Variants in ADCY9 observed in about 807,000 individuals in gnomAD.
The protein encoded by ADCY9 is adenylate cyclase 9.
A neutral mutation model predicts 101.5 loss-of-function variants in ADCY9; 50 were observed. That is an observed-to-expected ratio of 0.49 (90% CI 0.39 to 0.62). The LOEUF (loss-of-function observed/expected upper bound fraction) is 0.62. Among genes scored for constraint, ADCY9 ranks in the 20% least tolerant of loss-of-function variants. The pLI, the probability that ADCY9 is intolerant of heterozygous loss-of-function variation, is 0.00. For synonymous variants in ADCY9, 905 were observed against 769.3 expected (o/e 1.18, Z -2.92); for missense variants, 1,662 against 1,800.4 (o/e 0.92, Z 1.39).
At chr16:4,074,714 G>T in intron 2 of ADCY9, among the ~76,000 whole-genome samples, 1 of 38,440 alleles carries the variant, frequency 2.6e-5, no homozygotes, top group Non-Finnish European at 5.8e-5. Flanking sequence ...AATACCCAGT[G>T]GCAAAAAAAA....
chr16:4,071,442 C>T (rs1274771380), intron 2 of ADCY9, among the ~76,000 whole-genome samples: 1 of 151,202 alleles, frequency 6.6e-6, no homozygotes. Flanking sequence ...TATAAAGGTT[C>T]CTGCAAAGCC....
In ADCY9 at chr16:4,079,752, T is replaced by C. The variant is rs61236201; in HGVS notation, c.1693+33998A>G. 9.8e-3 allele frequency among the ~76,000 whole-genome samples: 1,487 copies of C among 152,206 alleles called. 29 individuals carry two copies. The highest frequency in any genetic ancestry group is 0.034 in the African/African-American group (1,399 of 41,546). Reference sequence around the variant, plus strand: ...CTATATATATTTATATGCATTGATATATATTTGATTTTGAATAAATATTTG... The same window carrying C: ...CTATATATATTTATATGCATTGATACATATTTGATTTTGAATAAATATTTG... On this transcript the variant is annotated intron_variant, in intron 2 of 10. Coordinates refer to ENST00000294016, the MANE Select transcript of ADCY9 (RefSeq NM_001116.4).
chr16:4,017,416 G>C (rs983112154), intron 2 of ADCY9, among the ~76,000 whole-genome samples: 2 of 149,706 alleles, frequency 1.3e-5, no homozygotes, highest in Admixed American at 7.1e-5. Context: ...AGGCCGAGGC[G>C]GGGGGTTGCT....
intron 2 of ADCY9, among the ~76,000 whole-genome samples, chr16:4,072,994 G>GAAAAAAAAAAAAAAAAAAAAAAAAAAAAA (rs59730727): frequency 7.7e-6 from 1 of 129,684 alleles, no homozygotes. Context: ...TATCCTAAAA[G>GAAAAAAAAAAAAAAAAAAAAAAAAAAAAA]AAAAAAAAAA....
chr16:3,978,014 G>A (rs112695187), intron 8 of ADCY9, among the ~76,000 whole-genome samples: 8 of 152,240 alleles, frequency 5.3e-5, no homozygotes, highest in Non-Finnish European at 1.2e-4. Context: ...CACCGCTCCC[G>A]GCCTAATCCA....
rs767139105 is a variant in ADCY9, at chr16:3,992,187, C to A, written c.2166G>T (p.Glu722Asp). ...CGTCCACAAAGTGGGCGTCCGTTTT[C>A]TCCCGGATGTTCTTGAACCTCAGCG... ...LLPLRFKNIREKTDAHFVDVI... is the reference protein window; with the variant it reads ...LLPLRFKNIRDKTDAHFVDVI... The change falls in exon 5 of 11, where the codon GAG (glutamate) becomes GAT (aspartate). Residue 722 changes from glutamate (E) to aspartate (D), a missense_variant. By Grantham distance (45) the Glu-to-Asp change is conservative. Around this residue, in one of 5 missense-constraint regions of ADCY9, gnomAD observed 624 missense variants for 639.1 expected, o/e 0.98. Transcript: ENST00000294016. This position sits in a 1 kb window ranked among gnomAD's most constrained non-coding sequence, Gnocchi z 4.2. 6.2e-7 allele frequency: 1 copy of A among 1,614,106 alleles called. No individual in the cohort carries two copies. The highest frequency in any genetic ancestry group is 8.5e-7 in the Non-Finnish European group (1 of 1,180,038).
intron 2 of ADCY9, among the ~76,000 whole-genome samples, chr16:4,038,979 C>T (rs2056608679): frequency 6.6e-6 from 1 of 152,094 alleles, no homozygotes; most frequent in African/African-American, 2.4e-5. Context: ...AATGCTTGCC[C>T]TTTTATAAAA....
chr16:4,016,970 A>G (rs977744349), intron 2 of ADCY9, among the ~76,000 whole-genome samples: 1 of 152,188 alleles, frequency 6.6e-6, no homozygotes, highest in African/African-American at 2.4e-5. Context: ...ATTGCATCAT[A>G]TGTGAATTAT....
chr16:3,973,773 G>A (rs924872890), intron 10 of ADCY9, among the ~76,000 whole-genome samples: 9 of 152,038 alleles, frequency 5.9e-5, no homozygotes, highest in East Asian at 1.9e-4. Context: ...GATTACAGGC[G>A]GGAGTCACCG....
chr16:3,972,940 T>TA (rs1319443443), intron 10 of ADCY9, among the ~76,000 whole-genome samples: 3 of 152,120 alleles, frequency 2.0e-5, no homozygotes, highest in Non-Finnish European at 4.4e-5. Flanking sequence ...AATAAAAGGT[T>TA]AAAAAAAGAT....
chr16:4,036,257 TCA>T (rs540140236), intron 2 of ADCY9, among the ~76,000 whole-genome samples: 72 of 152,002 alleles, frequency 4.7e-4, no homozygotes, highest in African/African-American at 1.6e-3. Context: ...CTTTCAGAAC[TCA>T]CACACACACC....
At position 3,972,543 on chromosome 16, in the gene ADCY9, C is replaced by T. The variant is rs536073159; in HGVS notation, c.2870+2126G>A. 7.1e-4 allele frequency among the ~76,000 whole-genome samples: 108 copies of T among 152,176 alleles called. 4 individuals are homozygous for T. In the South Asian group the frequency reaches 0.021, roughly 30 times the overall value. ...CCACCACACCTGGCTCAAAAAGAGG[C>T]ATTTCATGTGACTAAATGCAGGAGT... On this transcript the variant is annotated intron_variant, in intron 10 of 10. Coordinates refer to ENST00000294016, the MANE Select transcript of ADCY9 (RefSeq NM_001116.4).
chr16:4,115,537 CT>C lies in ADCY9; in HGVS notation c.-43-53del. 7.1e-7 allele frequency: 1 copy of C among 1,413,570 alleles called. No homozygotes were observed. The highest frequency in any genetic ancestry group is 9.3e-7 in the Non-Finnish European group (1 of 1,074,216). The allele number at this position is 1,413,570 out of a possible 1,614,324, so 87.6% of individuals were successfully genotyped here. On this transcript the variant is annotated intron_variant, in intron 1 of 10. Transcript: ENST00000294016. The surrounding 1 kb of genome is among the most constrained non-coding windows in gnomAD (Gnocchi z 6.2). ...GGCGCTCCCACCTAGGCATGCACGC[CT>C]AGAGGCCCGGGACCTGCTCCTGTCC...
At chr16:4,067,886 C>T (rs2056810161) in intron 2 of ADCY9, among the ~76,000 whole-genome samples, 1 of 152,148 alleles carries the variant, frequency 6.6e-6, no homozygotes, top group Non-Finnish European at 1.5e-5. Flanking sequence ...TTTGTGGTGA[C>T]TGAACTAACT....
chr16:4,090,490 G>T (rs900648780), intron 2 of ADCY9, among the ~76,000 whole-genome samples: 1 of 152,016 alleles, frequency 6.6e-6, no homozygotes, highest in African/African-American at 2.4e-5. Flanking sequence ...TTTTAAAAAC[G>T]TTCTATATTA....
intron 2 of ADCY9, among the ~76,000 whole-genome samples, chr16:4,070,595 C>T (rs1440683871): frequency 6.6e-6 from 1 of 151,964 alleles, no homozygotes. Flanking sequence ...GCAGGAGGAT[C>T]GCTTGAGTCC....
chr16:3,981,091 C>T (rs2056138661), intron 7 of ADCY9, among the ~76,000 whole-genome samples: 1 of 152,186 alleles, frequency 6.6e-6, no homozygotes, highest in South Asian at 2.1e-4. Context: ...GCCAGGGAAG[C>T]CTTTCAGGGT....
intron 2 of ADCY9, among the ~76,000 whole-genome samples, chr16:4,011,942 G>A (rs1171346352): frequency 1.3e-5 from 2 of 152,250 alleles, no homozygotes; most frequent in Admixed American, 6.5e-5. Flanking sequence ...TGATCAACAC[G>A]CACGCAGCAA....
At chr16:4,112,582 A>G (rs1183740724) in intron 2 of ADCY9, among the ~76,000 whole-genome samples, 1 of 151,922 alleles carries the variant, frequency 6.6e-6, no homozygotes, top group Non-Finnish European at 1.5e-5. Flanking sequence ...TCTGATTGAA[A>G]CTATTACTTC....
Sources: allele counts gnomAD v4.1 joint callset (sites outside exome capture counted in the v4.1 genomes callset), GRCh38; gene constraint gnomAD v4.1.1; regional missense constraint gnomAD v4.1.1; non-coding constraint Gnocchi (gnomAD v3.1); transcripts MANE v1.5; gene names NCBI Gene and HGNC (gene_info 2026-07-23, HGNC 2026-07-21).